Variants in ABCA9 observed in about 807,000 individuals in gnomAD.
ABCA9 encodes ATP-binding cassette sub-family A member 9.
In ABCA9, 183 loss-of-function variants were observed where a neutral mutation model predicts 205.3. The observed-to-expected ratio is 0.89, with a 90% CI of 0.79 to 1.01. ABCA9 has a LOEUF of 1.01. Among genes scored for constraint, ABCA9 ranks in the 50% least tolerant of loss-of-function variants. The pLI is 0.00. For synonymous variants in ABCA9, 651 were observed against 683.3 expected (o/e 0.95, Z 0.74); for missense variants, 1,805 against 1,912.4 (o/e 0.94, Z 1.05).
intron 30 of ABCA9, among the ~76,000 whole-genome samples, 172 bp downstream of exon 30, chr17:68,989,641 A>G (rs1405478787): frequency 2.0e-5 from 3 of 152,126 alleles, no homozygotes; most frequent in Admixed American, 6.5e-5. Context: ...CTGTCTTCCT[A>G]TGTAAAGAAA....
At chr17:68,993,298 C>G (rs2069515931) in intron 26 of ABCA9, among the ~76,000 whole-genome samples, 1 of 152,076 alleles carries the variant, frequency 6.6e-6, no homozygotes, top group East Asian at 1.9e-4. Flanking sequence ...GTATGTAACA[C>G]TGTGAGTCAG....
In ABCA9 at chr17:69,051,106, G is replaced by A. The variant is rs757682447; in HGVS notation, c.21C>T (p.Ser7=). 38 of 1,613,440 alleles carry A rather than the reference G, an allele frequency of 2.4e-5. No individual in the cohort carries two copies. Among genetic ancestry groups the A allele is most frequent in the Admixed American group, 1.2e-4 (7 of 59,886 alleles). MSKRRM[S]VGQQTWALLC... ...GAAGAGCCCATGTTTGCTGACCCAC[G>A]CTCATGCGTCTCTTGCTCATTTTGA... is the stretch of plus-strand genomic sequence containing the variant. The change falls in exon 2 of 39, where the codon AGC becomes AGT. Residue 7 remains serine, a synonymous_variant. Transcript: ENST00000340001.
At chr17:69,006,465 T>A (rs1051241902) in intron 25 of ABCA9, among the ~76,000 whole-genome samples, 48 of 152,322 alleles carry the variant, frequency 3.2e-4, no homozygotes, top group East Asian at 1.9e-4. Context: ...AGGAATAAAC[T>A]ATTCTGGTTG....
chr17:69,075,491 T>C, the ABCA9 span, among the ~76,000 whole-genome samples: 1 of 152,198 alleles, frequency 6.6e-6, no homozygotes, highest in East Asian at 1.9e-4. Flanking sequence ...GACCATTTAT[T>C]AAATACGGAG....
rs546768817 is a variant in ABCA9, at chr17:68,987,822, G to A, written c.4047+1205C>T. Among the ~76,000 whole-genome samples, 23 of 149,948 alleles carry A rather than the reference G, an allele frequency of 1.5e-4. No homozygotes were observed. In the East Asian group the frequency reaches 3.9e-3, roughly 25 times the overall value. ...GTTGCCCAGGCTGGAGTGCAATAGCGCTATCTCAGCTCACCGCAACCTTGG... is the reference window on the plus strand; with the variant it reads ...GTTGCCCAGGCTGGAGTGCAATAGCACTATCTCAGCTCACCGCAACCTTGG... On this transcript the variant is annotated intron_variant, in intron 31 of 38. Transcript: ENST00000340001.
chr17:69,069,593 A>G, the ABCA9 span, among the ~76,000 whole-genome samples: 1 of 151,838 alleles, frequency 6.6e-6, no homozygotes, highest in Non-Finnish European at 1.5e-5. Flanking sequence ...TGCAGTACAC[A>G]GTGGTCAGCT....
chr17:69,073,457 CT>C, the ABCA9 span, among the ~76,000 whole-genome samples: 1 of 152,208 alleles, frequency 6.6e-6, no homozygotes, highest in Non-Finnish European at 1.5e-5. Flanking sequence ...TCACTCAAAA[CT>C]GCACAACTAC....
chr17:68,984,952 TC>T lies in ABCA9; in HGVS notation c.4311del (p.Asn1438ThrfsTer25). The T allele has an allele frequency of 6.2e-7, 1 of 1,614,138 alleles. No homozygotes were observed. The highest frequency in any genetic ancestry group is 1.1e-5 in the South Asian group (1 of 91,076). On this transcript the variant is annotated frameshift_variant, in exon 34 of 39. Transcript: ENST00000340001. LOFTEE classifies it high-confidence loss of function. ...TCATCCAGAAGCACCACTGACGGGTTCCCCAGGATGCTCAGCACAAAGCACA... is the reference window on the plus strand; with the variant it reads ...TCATCCAGAAGCACCACTGACGGGTTCCCAGGATGCTCAGCACAAAGCACA... ...RKLCFVLSIL[G>X]NPSVVLLDEP...
rs143024964 is a variant in ABCA9, at chr17:69,020,541, A to G, written c.2447T>C (p.Ile816Thr). The change falls in exon 19 of 39, where the codon ATA (isoleucine) becomes ACA (threonine). Residue 816 changes from isoleucine (I) to threonine (T), a missense_variant. By Grantham distance (89) the Ile-to-Thr change is moderately conservative. Transcript: ENST00000340001. ...TTGTTCCAGCTCAACAAGGCTTCCT[A>G]TATCTTTTGCCCCATCAGTTTGTAA... ...GQLQTDGAKD[I>T]GSLVELEQVL... The G allele has an allele frequency of 7.2e-5, 117 of 1,614,076 alleles. No individual in the cohort carries two copies. Among genetic ancestry groups the G allele is most frequent in the Middle Eastern group, 6.6e-4 (4 of 6,062 alleles).
chr17:68,981,340 AAAAG>A (rs2069046633), intron 37 of ABCA9, among the ~76,000 whole-genome samples: 1 of 151,784 alleles, frequency 6.6e-6, no homozygotes, highest in East Asian at 1.9e-4. Context: ...AAAAAAAGAA[AAAAG>A]AAAGCAGAAA....
chr17:69,018,048 C>A, intron 20 of ABCA9: 2 of 427,398 alleles, frequency 4.7e-6, no homozygotes, highest in Non-Finnish European at 8.2e-6. Context: ...ACATTATAAT[C>A]CTTGAAGCTA....
chr17:69,018,456 T>A lies in ABCA9; in HGVS notation c.2724A>T (p.Gln908His). The part of the protein sequence containing the change: ...PNTYFLSPGQ[Q>H]PQDPLTHLLV... ...GTAAATGGGTCAGAGGATCCTGTGG[T>A]TGTTGTCCTGGTGAGAGGAAGTATG... Residue 908 changes from glutamine to histidine, a missense_variant, in exon 20 of 39, where the codon CAA becomes CAT. Coordinates refer to ENST00000340001, the MANE Select transcript of ABCA9 (RefSeq NM_080283.4). 1 of 1,605,476 alleles carries A rather than the reference T, an allele frequency of 6.2e-7. No individual in the cohort carries two copies. The highest frequency in any genetic ancestry group is 8.5e-7 in the Non-Finnish European group (1 of 1,177,084).
chr17:69,069,014 T>TA, the ABCA9 span, among the ~76,000 whole-genome samples: 7 of 152,346 alleles, frequency 4.6e-5, no homozygotes, highest in African/African-American at 1.4e-4. Context: ...CCCATGTGAG[T>TA]ATTTAAATGT....
upstream of ABCA9, among the ~76,000 whole-genome samples, chr17:69,065,766 C>T (rs370636646): frequency 5.3e-5 from 8 of 152,232 alleles, no homozygotes; most frequent in South Asian, 1.2e-3. Flanking sequence ...CGGCAAATCT[C>T]GTCTTAAATT....
chr17:69,017,609 C>T (rs779494303), intron 21 of ABCA9, 47 bp downstream of exon 21: 2 of 1,607,280 alleles, frequency 1.2e-6, no homozygotes, highest in Non-Finnish European at 1.7e-6. Flanking sequence ...AAATTGTACA[C>T]CCATAGTCCA....
chr17:69,041,982 T>G (rs4968991), intron 6 of ABCA9, among the ~76,000 whole-genome samples: 9,748 of 152,260 alleles, frequency 0.064, 798 homozygotes, highest in African/African-American at 0.18. Context: ...AGAACCCTTA[T>G]ATGCATTCTA....
chr17:68,976,498 G>C (rs1437196754), intron 37 of ABCA9, among the ~76,000 whole-genome samples: 1 of 152,126 alleles, frequency 6.6e-6, no homozygotes, highest in East Asian at 1.9e-4. Context: ...GTACCCCTCT[G>C]TACCAGCCCT....
At chr17:69,014,572 T>C (rs1000727891) in intron 22 of ABCA9, among the ~76,000 whole-genome samples, 2 of 152,056 alleles carry the variant, frequency 1.3e-5, no homozygotes, top group African/African-American at 4.8e-5. Flanking sequence ...ATAAATTACA[T>C]GGGAAATATC....
intron 23 of ABCA9, among the ~76,000 whole-genome samples, chr17:69,011,588 C>T (rs2070376388): frequency 6.6e-6 from 1 of 152,032 alleles, no homozygotes; most frequent in African/African-American, 2.4e-5. Context: ...TATTTTCCAA[C>T]AACAAGTCAA....
Sources: allele counts gnomAD v4.1 joint callset (sites outside exome capture counted in the v4.1 genomes callset), GRCh38; gene constraint gnomAD v4.1.1; transcripts MANE v1.5; gene names NCBI Gene and HGNC (gene_info 2026-07-23, HGNC 2026-07-21).